NKAIN2: variants seen among roughly 807,000 people sequenced by gnomAD.
NKAIN2 encodes sodium/potassium transporting ATPase interacting 2.
In NKAIN2, 14 loss-of-function variants were observed where a neutral mutation model predicts 32.6. That is an observed-to-expected ratio of 0.43 (90% CI 0.28 to 0.67). The LOEUF (loss-of-function observed/expected upper bound fraction) is 0.67, where lower values mean the gene tolerates loss of function less well. Among genes scored for constraint, NKAIN2 ranks in the 30% least tolerant of loss-of-function variants. NKAIN2 has a pLI of 0.17. For missense variants in NKAIN2, 198 were observed against 258.3 expected (o/e 0.77, Z 1.60); for synonymous variants, 80 against 87.2 (o/e 0.92, Z 0.46).
At chr6:124,007,037 A>C (rs539619089) in intron 1 of NKAIN2, among the ~76,000 whole-genome samples, 1 of 152,292 alleles carries the variant, frequency 6.6e-6, no homozygotes, top group Non-Finnish European at 1.5e-5. Context: ...AACATCATAC[A>C]GTGTACTTAC....
chr6:123,984,801 T>C (rs2114673625), intron 1 of NKAIN2, among the ~76,000 whole-genome samples: 1 of 152,292 alleles, frequency 6.6e-6, no homozygotes, highest in African/African-American at 2.4e-5. Flanking sequence ...CATTATCAAA[T>C]GATACATAGC....
chr6:124,157,870 C>A (rs1788068995), intron 1 of NKAIN2, among the ~76,000 whole-genome samples: 1 of 152,036 alleles, frequency 6.6e-6, no homozygotes, highest in East Asian at 1.9e-4. Context: ...AATGCATACA[C>A]CTGCTTATCT....
intron 1 of NKAIN2, among the ~76,000 whole-genome samples, chr6:124,043,905 G>C (rs1441186529): frequency 6.6e-6 from 1 of 152,030 alleles, no homozygotes. Context: ...TGACTTCCCT[G>C]GTGAACGGAA....
chr6:124,597,525 G>T (rs1249057106), intron 3 of NKAIN2, among the ~76,000 whole-genome samples: 1 of 151,994 alleles, frequency 6.6e-6, no homozygotes. Flanking sequence ...AGACATAATT[G>T]ATTTCATTCT....
chr6:124,377,606 G>T (rs1425260249), intron 3 of NKAIN2, among the ~76,000 whole-genome samples: 1 of 152,118 alleles, frequency 6.6e-6, no homozygotes, highest in Admixed American at 6.5e-5. Context: ...AACTTCACTG[G>T]CCAGGAGAGC....
At chr6:123,970,795 T>C (rs1208297903) in intron 1 of NKAIN2, among the ~76,000 whole-genome samples, 1 of 151,942 alleles carries the variant, frequency 6.6e-6, no homozygotes, top group African/African-American at 2.4e-5. Context: ...GGCAGGAGAA[T>C]TGCTTGAACC....
At chr6:124,347,569 C>A (rs565753878) in intron 2 of NKAIN2, among the ~76,000 whole-genome samples, 50 of 152,294 alleles carry the variant, frequency 3.3e-4, no homozygotes, top group Middle Eastern at 3.4e-3. Flanking sequence ...TCCCTTCTCA[C>A]TTCATTTCAT....
At chr6:124,579,647 T>C (rs1781453206) in intron 3 of NKAIN2, among the ~76,000 whole-genome samples, 1 of 152,082 alleles carries the variant, frequency 6.6e-6, no homozygotes, top group African/African-American at 2.4e-5. Context: ...GAGAGAGAGA[T>C]AGGGGTAGAA....
chr6:124,321,160 C>A (rs1462391138), intron 2 of NKAIN2, among the ~76,000 whole-genome samples: 1 of 152,150 alleles, frequency 6.6e-6, no homozygotes. Context: ...ATCCTGCCTG[C>A]CTTCCTTTTA....
intron 4 of NKAIN2, among the ~76,000 whole-genome samples, chr6:124,686,442 G>A (rs1459474480): frequency 3.9e-5 from 6 of 152,018 alleles, no homozygotes; most frequent in Non-Finnish European, 7.4e-5. Flanking sequence ...CACCCGACAT[G>A]ACCAGAGCAG....
intron 4 of NKAIN2, among the ~76,000 whole-genome samples, chr6:124,689,609 C>A (rs1310542543): frequency 6.6e-6 from 1 of 151,856 alleles, no homozygotes; most frequent in African/African-American, 2.4e-5. Context: ...ACATTTAAAT[C>A]TTGATTTATT....
At chr6:124,642,185 C>A (rs966460190) in intron 3 of NKAIN2, among the ~76,000 whole-genome samples, 1 of 152,094 alleles carries the variant, frequency 6.6e-6, no homozygotes, top group African/African-American at 2.4e-5. Flanking sequence ...GTGTTCTGGG[C>A]TGCATTTCTA....
intron 1 of NKAIN2, among the ~76,000 whole-genome samples, chr6:124,173,506 C>G (rs1412355659): frequency 6.6e-6 from 1 of 151,974 alleles, no homozygotes; most frequent in Non-Finnish European, 1.5e-5. Context: ...CAAGAAAGTG[C>G]ATAAAAAATG....
intron 1 of NKAIN2, among the ~76,000 whole-genome samples, chr6:123,878,329 T>C (rs1207282717): frequency 1.3e-5 from 2 of 152,320 alleles, no homozygotes; most frequent in East Asian, 3.9e-4. Context: ...ATGTACACTT[T>C]TCCATTTCTT....
intron 3 of NKAIN2, among the ~76,000 whole-genome samples, chr6:124,581,308 G>A (rs1022267053): frequency 2.0e-5 from 3 of 151,330 alleles, no homozygotes; most frequent in Non-Finnish European, 3.0e-5. Context: ...GCGCGGTGGC[G>A]GGCGCCTGTA....
At chr6:124,710,079 T>G (rs555989057) in intron 4 of NKAIN2, among the ~76,000 whole-genome samples, 1 of 152,028 alleles carries the variant, frequency 6.6e-6, no homozygotes, top group South Asian at 2.1e-4. Context: ...TGCCTTCATT[T>G]TGTTATGTAC....
intron 3 of NKAIN2, among the ~76,000 whole-genome samples, chr6:124,626,170 ATCTT>A (rs5879750): frequency 0.073 from 10,733 of 146,660 alleles, 943 homozygotes; most frequent in African/African-American, 0.21. Flanking sequence ...AGAAAACTGA[ATCTT>A]TCTTTGCTTC....
intron 3 of NKAIN2, among the ~76,000 whole-genome samples, chr6:124,583,122 A>C (rs1781581925): frequency 6.6e-6 from 1 of 152,028 alleles, no homozygotes; most frequent in Non-Finnish European, 1.5e-5. Flanking sequence ...CTAACTAGAG[A>C]AATCAGACGA....
At chr6:124,746,989 T>A (rs1381809829) in intron 4 of NKAIN2, among the ~76,000 whole-genome samples, 1 of 151,992 alleles carries the variant, frequency 6.6e-6, no homozygotes, top group Non-Finnish European at 1.5e-5. Context: ...GCAACAAAAG[T>A]TATGACATAT....
Sources: allele counts gnomAD v4.1 joint callset (sites outside exome capture counted in the v4.1 genomes callset), GRCh38; gene constraint gnomAD v4.1.1; transcripts MANE v1.5; gene names NCBI Gene and HGNC (gene_info 2026-07-23, HGNC 2026-07-21).